CTNNA2: variants seen among roughly 807,000 people sequenced by gnomAD.
CTNNA2 encodes catenin alpha-2.
In CTNNA2, 42 loss-of-function variants were observed where a neutral mutation model predicts 101.0. The observed-to-expected ratio is 0.42, with a 90% confidence interval of 0.32 to 0.54. CTNNA2 has a LOEUF of 0.54. CTNNA2 is among the 20% of genes least tolerant of loss of function. CTNNA2 has a pLI of 0.14. For missense variants in CTNNA2, 871 were observed against 1,223.1 expected (o/e 0.71, Z 4.29); for synonymous variants, 450 against 456.4 (o/e 0.99, Z 0.18).
chr2:79,298,471 T>G (rs576072248), intron 2 of CTNNA2, among the ~76,000 whole-genome samples: 1 of 152,080 alleles, frequency 6.6e-6, no homozygotes, highest in African/African-American at 2.4e-5. Flanking sequence ...GCTACAACAT[T>G]TGCGCATCAC....
At chr2:79,802,030 G>GAAAA (rs1184384182) in intron 3 of CTNNA2, among the ~76,000 whole-genome samples, 1 of 142,854 alleles carries the variant, frequency 7.0e-6, no homozygotes. Context: ...AAGAAAGAAA[G>GAAAA]AAAAAAAGCT....
intron 2 of CTNNA2, among the ~76,000 whole-genome samples, chr2:79,287,031 C>T (rs1429091501): frequency 3.3e-5 from 5 of 152,192 alleles, no homozygotes; most frequent in Non-Finnish European, 7.3e-5. Flanking sequence ...GATACCCTTT[C>T]TTCCAGTTGA....
chr2:79,349,850 G>C (rs935989835), intron 3 of CTNNA2, among the ~76,000 whole-genome samples: 3 of 152,044 alleles, frequency 2.0e-5, no homozygotes, highest in Non-Finnish European at 2.9e-5. Flanking sequence ...TTACTCTCAA[G>C]ATATTTTCTT....
intron 7 of CTNNA2, among the ~76,000 whole-genome samples, chr2:80,009,219 A>G (rs1693593348): frequency 6.6e-6 from 1 of 152,186 alleles, no homozygotes; most frequent in Non-Finnish European, 1.5e-5. Context: ...ACAGAAAAGG[A>G]GATCTTGAGC....
At chr2:80,360,226 T>C (rs1344113623) in intron 7 of CTNNA2, among the ~76,000 whole-genome samples, 1 of 152,130 alleles carries the variant, frequency 6.6e-6, no homozygotes, top group Non-Finnish European at 1.5e-5. Context: ...TGCTGAAAAG[T>C]TCATTGTGCA....
At chr2:79,513,822 T>G (rs1027039525) in intron 1 of CTNNA2, among the ~76,000 whole-genome samples, 3 of 152,206 alleles carry the variant, frequency 2.0e-5, no homozygotes, top group Admixed American at 1.3e-4. Flanking sequence ...TTCTGGGAAT[T>G]ACATATTTCC....
chr2:80,335,581 G>C (rs994211414), intron 7 of CTNNA2, among the ~76,000 whole-genome samples: 1 of 152,162 alleles, frequency 6.6e-6, no homozygotes, highest in African/African-American at 2.4e-5. Flanking sequence ...AGACCAATTG[G>C]TCTGGGAGAG....
chr2:79,279,536 A>C (rs1329218567), intron 2 of CTNNA2, among the ~76,000 whole-genome samples: 1 of 152,180 alleles, frequency 6.6e-6, no homozygotes, highest in South Asian at 2.1e-4. Context: ...TGCCACCTCC[A>C]TGACCACAAC....
At chr2:79,232,372 A>G (rs191177712) in intron 2 of CTNNA2, among the ~76,000 whole-genome samples, 3 of 152,114 alleles carry the variant, frequency 2.0e-5, no homozygotes, top group African/African-American at 7.2e-5. Context: ...ATTGATTTGC[A>G]TGTGTTGAAC....
chr2:80,299,886 C>A (rs200354371), intron 7 of CTNNA2, among the ~76,000 whole-genome samples: 1 of 152,152 alleles, frequency 6.6e-6, no homozygotes, highest in East Asian at 1.9e-4. Flanking sequence ...CAGCTTTGGG[C>A]GCTGGATTCC....
intron 7 of CTNNA2, among the ~76,000 whole-genome samples, chr2:80,207,650 A>G (rs925508484): frequency 6.6e-6 from 1 of 152,150 alleles, no homozygotes; most frequent in African/African-American, 2.4e-5. Context: ...TCAGTCTGGG[A>G]CAAGTTGAGT....
chr2:79,835,666 G>GTTTTTTGTTTTTTTTTT (rs1679276639), intron 3 of CTNNA2, among the ~76,000 whole-genome samples: 8 of 58,634 alleles, frequency 1.4e-4, no homozygotes, highest in African/African-American at 5.8e-4. Context: ...GCCTCTCTTT[G>GTTTTTTGTTTTTTTTTT]TTTTTTTTTT....
chr2:80,478,139 G>A (rs1685872132), intron 9 of CTNNA2, among the ~76,000 whole-genome samples: 1 of 152,194 alleles, frequency 6.6e-6, no homozygotes, highest in Middle Eastern at 3.4e-3. Context: ...TTTTCCAGAT[G>A]ATTAGTGACA....
At chr2:80,519,597 G>A (rs1052645995) in intron 9 of CTNNA2, among the ~76,000 whole-genome samples, 14 of 152,132 alleles carry the variant, frequency 9.2e-5, no homozygotes, top group Admixed American at 3.3e-4. Context: ...GAGAATAATA[G>A]GTCAGAACTA....
intron 2 of CTNNA2, among the ~76,000 whole-genome samples, chr2:79,274,371 C>T (rs931486462): frequency 1.3e-5 from 2 of 152,004 alleles, no homozygotes; most frequent in Non-Finnish European, 2.9e-5. Flanking sequence ...AATTTACCCA[C>T]TATCTTATAT....
chr2:80,505,277 C>T (rs1025091578), intron 9 of CTNNA2, among the ~76,000 whole-genome samples: 4 of 152,158 alleles, frequency 2.6e-5, no homozygotes, highest in Non-Finnish European at 5.9e-5. Context: ...TGATAATTTA[C>T]GTAAAGCTCC....
intron 2 of CTNNA2, among the ~76,000 whole-genome samples, chr2:79,666,013 ACTT>A (rs1682392535): frequency 6.6e-6 from 1 of 152,194 alleles, no homozygotes; most frequent in Non-Finnish European, 1.5e-5. Context: ...GTTGACTGAA[ACTT>A]CTCAAGCTTG....
At chr2:79,952,841 A>G (rs541489266) in intron 7 of CTNNA2, among the ~76,000 whole-genome samples, 1 of 152,224 alleles carries the variant, frequency 6.6e-6, no homozygotes, top group Non-Finnish European at 1.5e-5. Flanking sequence ...TGAAAAGATG[A>G]AAGTATTTAC....
At chr2:79,549,990 C>T (rs180672066) in intron 1 of CTNNA2, among the ~76,000 whole-genome samples, 7 of 152,178 alleles carry the variant, frequency 4.6e-5, no homozygotes, top group South Asian at 2.1e-4. Flanking sequence ...TGGCTAGATC[C>T]GTGGACCTAG....
Sources: gnomAD v4.1 joint callset for allele counts (sites outside exome capture counted in the v4.1 genomes callset) on GRCh38, gnomAD v4.1.1 for gene constraint, MANE v1.5 for transcripts, NCBI Gene and HGNC (gene_info 2026-07-23, HGNC 2026-07-21) for gene names.